TMTC2: variants seen among roughly 807,000 people sequenced by gnomAD.
The protein encoded by TMTC2 is transmembrane O-mannosyltransferase targeting cadherins 2.
Under a neutral mutation model 82.4 loss-of-function variants are expected in TMTC2, and 43 were observed. The ratio of observed to expected loss-of-function variants is 0.52; its 90% CI spans 0.41 to 0.67. The LOEUF is 0.67. Ranked by LOEUF, TMTC2 falls within the 30% of genes least tolerant of loss-of-function variation. TMTC2 has a pLI of 0.00. For synonymous variants in TMTC2, 408 were observed against 381.9 expected (o/e 1.07, Z -0.80); for missense variants, 919 against 1,012.4 (o/e 0.91, Z 1.25).
chr12:82,716,164 T>C (rs1020848659), intron 1 of TMTC2, among the ~76,000 whole-genome samples: 1 of 152,180 alleles, frequency 6.6e-6, no homozygotes, highest in African/African-American at 2.4e-5. Context: ...GGTATATCTT[T>C]GGGCAAATGG....
intron 4 of TMTC2, among the ~76,000 whole-genome samples, chr12:82,936,376 AACAC>A (rs576789976): frequency 6.6e-6 from 1 of 152,076 alleles, no homozygotes; most frequent in South Asian, 2.1e-4. Flanking sequence ...GACTAAATTT[AACAC>A]ACACACACAA....
intron 1 of TMTC2, among the ~76,000 whole-genome samples, chr12:82,780,073 A>AGTAT (rs1877821255): frequency 6.6e-6 from 1 of 152,126 alleles, no homozygotes; most frequent in South Asian, 2.1e-4. Flanking sequence ...GAAAGATTAT[A>AGTAT]GTTTTACTAA....
rs181361187 is a variant in TMTC2 at position 83,062,772 on chromosome 12, T to C, written c.2331+941T>C. Among the ~76,000 whole-genome samples the C allele has an allele frequency of 3.5e-3, 534 of 151,894 alleles. 7 individuals carry two copies. The highest frequency in any genetic ancestry group is 3.4e-3 in the Admixed American group (51 of 15,208). ...TAATTGAAATACAGTGTAGTGATTC[T>C]TATACAGAGGTATATACAGTCTTCT... is the stretch of plus-strand genomic sequence containing the variant. On this transcript the variant is annotated intron_variant, in intron 11 of 11. Transcript: ENST00000321196.
At chr12:82,973,127 G>A (rs115214570) in intron 7 of TMTC2, among the ~76,000 whole-genome samples, 129 of 152,230 alleles carry the variant, frequency 8.5e-4, no homozygotes, top group African/African-American at 2.8e-3. Flanking sequence ...CTCCAGTAGC[G>A]TTAAGCTTTT....
At chr12:83,075,372 A>C (rs1038776782) in intron 11 of TMTC2, among the ~76,000 whole-genome samples, 2 of 152,034 alleles carry the variant, frequency 1.3e-5, no homozygotes, top group African/African-American at 4.8e-5. Context: ...GCTGCAATCT[A>C]GTCCTGCCTC....
At chr12:82,975,841 A>G (rs1878643082) in intron 7 of TMTC2, among the ~76,000 whole-genome samples, 1 of 152,040 alleles carries the variant, frequency 6.6e-6, no homozygotes, top group Non-Finnish European at 1.5e-5. Context: ...TGTTCTTTCC[A>G]GGCTAGTACA....
chr12:83,019,925 G>T (rs1349597724), intron 8 of TMTC2, among the ~76,000 whole-genome samples: 1 of 152,028 alleles, frequency 6.6e-6, no homozygotes. Flanking sequence ...TTTTTTGTAT[G>T]GTTCGCCTTC....
chr12:82,756,369 T>C (rs1384636632), intron 1 of TMTC2, among the ~76,000 whole-genome samples: 1 of 152,144 alleles, frequency 6.6e-6, no homozygotes, highest in East Asian at 1.9e-4. Context: ...TCTCAAAGAG[T>C]TGAAGGGAAA....
intron 1 of TMTC2, among the ~76,000 whole-genome samples, chr12:82,850,382 C>G (rs957726194): frequency 6.6e-6 from 1 of 152,102 alleles, no homozygotes; most frequent in Non-Finnish European, 1.5e-5. Context: ...TTCTTCCATT[C>G]AAATGTGGAT....
chr12:82,723,374 T>C (rs2136929335), intron 1 of TMTC2, among the ~76,000 whole-genome samples: 1 of 152,322 alleles, frequency 6.6e-6, no homozygotes, highest in East Asian at 1.9e-4. Flanking sequence ...ATGCAAGGCT[T>C]CCTGAGAGTT....
rs150341029 is a variant in TMTC2 at position 82,942,845 on chromosome 12, G to GA, written c.1598+12309dup. Among the ~76,000 whole-genome samples the GA allele has an allele frequency of 6.1e-3, 908 of 149,152 alleles. 11 individuals are homozygous for GA. The highest frequency in any genetic ancestry group is 0.021 in the African/African-American group (838 of 40,760). ...ACATCTAGCTTAATTTTTTTATTTA[G>GA]AAAAAAAAACAAAAGATGAAACATT... On this transcript the variant is annotated intron_variant, in intron 4 of 11. Coordinates refer to ENST00000321196, the MANE Select transcript of TMTC2 (RefSeq NM_152588.3).
chr12:82,736,038 G>A (rs147212188), intron 1 of TMTC2, among the ~76,000 whole-genome samples: 2,565 of 151,742 alleles, frequency 0.017, 34 homozygotes, highest in Middle Eastern at 0.037. Flanking sequence ...ATTTTGCTCC[G>A]GAGATGAATG....
chr12:83,047,020 T>TA (rs1882169650), intron 9 of TMTC2, among the ~76,000 whole-genome samples: 1 of 152,212 alleles, frequency 6.6e-6, no homozygotes, highest in South Asian at 2.1e-4. Flanking sequence ...GTTTTGGGCA[T>TA]AAAAATGAAA....
chr12:82,802,511 A>T (rs1879061646), intron 1 of TMTC2, among the ~76,000 whole-genome samples: 1 of 152,136 alleles, frequency 6.6e-6, no homozygotes, highest in Non-Finnish European at 1.5e-5. Flanking sequence ...GTCACCTCTC[A>T]CTTCTACTGT....
chr12:83,105,715 G>A (rs1229917263), intron 11 of TMTC2, among the ~76,000 whole-genome samples: 1 of 152,122 alleles, frequency 6.6e-6, no homozygotes, highest in Non-Finnish European at 1.5e-5. Context: ...AGATTGGGGT[G>A]GGGACAAATA....
intron 8 of TMTC2, among the ~76,000 whole-genome samples, chr12:83,024,821 C>T (rs1881090055): frequency 6.6e-6 from 1 of 152,168 alleles, no homozygotes; most frequent in Non-Finnish European, 1.5e-5. Context: ...GAAGTTACTA[C>T]TTTGTTCACC....
intron 8 of TMTC2, among the ~76,000 whole-genome samples, chr12:83,014,156 T>G (rs1027060922): frequency 7.2e-5 from 11 of 152,124 alleles, no homozygotes; most frequent in Non-Finnish European, 1.2e-4. Flanking sequence ...ATACTATTTT[T>G]TTATTTTGTT....
At chr12:82,773,554 G>A (rs919140319) in intron 1 of TMTC2, among the ~76,000 whole-genome samples, 10 of 150,940 alleles carry the variant, frequency 6.6e-5, no homozygotes, top group African/African-American at 1.5e-4. Context: ...TCTGCCTCCC[G>A]GGTTCAAGTG....
chr12:83,129,472 T>C (rs922233456), intron 11 of TMTC2, among the ~76,000 whole-genome samples: 1 of 152,206 alleles, frequency 6.6e-6, no homozygotes, highest in Non-Finnish European at 1.5e-5. Flanking sequence ...ACAAAATTTG[T>C]TTCATCATTT....
Sources: gnomAD v4.1 joint callset for allele counts (sites outside exome capture counted in the v4.1 genomes callset) on GRCh38, gnomAD v4.1.1 for gene constraint, MANE v1.5 for transcripts, NCBI Gene and HGNC (gene_info 2026-07-23, HGNC 2026-07-21) for gene names.